FYN: variants seen among roughly 807,000 people sequenced by gnomAD.
FYN encodes FYN proto-oncogene, Src family tyrosine kinase.
A neutral mutation model predicts 70.2 loss-of-function variants in FYN; 10 were observed. The ratio of observed to expected loss-of-function variants is 0.14; its 90% CI spans 0.09 to 0.24. FYN has a LOEUF of 0.24. FYN is among the 10% of genes least tolerant of loss of function. The pLI is 1.00. For synonymous variants in FYN, 236 were observed against 248.6 expected, an observed-to-expected ratio of 0.95 and a Z score of 0.48; for missense variants, 319 against 673.1, an observed-to-expected ratio of 0.47 and a Z score of 5.82.
At position 111,696,359 on chromosome 6, in the gene FYN, C is replaced by T; in HGVS notation, c.960G>A (p.Lys320=). 6.2e-7 allele frequency: 1 copy of T among 1,613,992 alleles called. No individual in the cohort carries two copies. Among genetic ancestry groups the T allele is most frequent in the Non-Finnish European group, 8.5e-7 (1 of 1,179,966 alleles). Residue 320 remains lysine (K), a synonymous_variant, in exon 10 of 14, where the codon AAG becomes AAA. Coordinates refer to ENST00000354650, the MANE Select transcript of FYN (RefSeq NM_002037.5). ...GCTGGACCAGCTTGTCGTGCTTCAGCTTCTTCATGATCTGCGCTTCCTCAA... is the reference window on the plus strand; with the variant it reads ...GCTGGACCAGCTTGTCGTGCTTCAGTTTCTTCATGATCTGCGCTTCCTCAA... ...SFLEEAQIMK[K]LKHDKLVQLY... is the part of the protein sequence containing the mutation.
intron 3 of FYN, among the ~76,000 whole-genome samples, chr6:111,750,349 T>C (rs1802428959): frequency 6.6e-6 from 1 of 152,130 alleles, no homozygotes; most frequent in South Asian, 2.1e-4. Flanking sequence ...CTCCTAGCCC[T>C]CTCTCCTGCT....
intron 2 of FYN, among the ~76,000 whole-genome samples, chr6:111,785,133 C>T (rs1349134192): frequency 2.0e-5 from 3 of 152,202 alleles, no homozygotes; most frequent in Non-Finnish European, 2.9e-5. Flanking sequence ...TGGTTCTCCA[C>T]AGGATGTTCC....
chr6:111,854,673 A>G (rs1773776288), intron 1 of FYN, among the ~76,000 whole-genome samples: 1 of 152,234 alleles, frequency 6.6e-6, no homozygotes, highest in African/African-American at 2.4e-5. Context: ...TTATTTTGCA[A>G]TATACCTTTT....
chr6:111,766,556 G>A (rs970007080), intron 3 of FYN, among the ~76,000 whole-genome samples: 2 of 152,158 alleles, frequency 1.3e-5, no homozygotes, highest in African/African-American at 4.8e-5. Context: ...ACATGAGACT[G>A]GATAATTTGT....
intron 3 of FYN, among the ~76,000 whole-genome samples, chr6:111,779,121 A>AATTTTTTTTTTTTTTTT (rs1228509638): frequency 1.1e-5 from 1 of 91,496 alleles, no homozygotes; most frequent in Non-Finnish European, 2.1e-5. Flanking sequence ...AGTAGGAGAC[A>AATTTTTTTTTTTTTTTT]TTTTTTTTTT....
rs1271033000 is a variant in FYN at position 111,694,229 on chromosome 6, G to A, written c.1273+146C>T. 3.0e-6 allele frequency: 3 copies of A among 1,000,592 alleles called. No individual in the cohort carries two copies. In the African/African-American group the frequency reaches 4.8e-5, roughly 16 times the overall value. 62.0% of individuals were successfully genotyped at this position (1,000,592 alleles called of 1,614,324 possible). ...CCACCTGCAGAGCTGTCAAATTCCT[G>A]CCAGATCAAGGTGTCCAAACCAAGC... is the stretch of plus-strand genomic sequence containing the variant. On this transcript the variant is annotated intron_variant, in intron 12 of 13. Coordinates refer to ENST00000354650, the MANE Select transcript of FYN (RefSeq NM_002037.5). The surrounding 1 kb of genome is among the most constrained non-coding windows in gnomAD (Gnocchi z 5.0).
Position 111,702,683 on chromosome 6 carries a change from A to G in FYN, c.697+202T>C, listed in dbSNP as rs1368053952. On this transcript the variant is annotated intron_variant, in intron 8 of 13. Coordinates refer to ENST00000354650, the MANE Select transcript of FYN (RefSeq NM_002037.5). ...AATATTATAGAATCTTCGGACAAAC[A>G]TGTGGAACTAATAATAACAACAGTA... 9.6e-6 allele frequency: 4 copies of G among 415,842 alleles called. No individual in the cohort carries two copies. In the South Asian group the frequency reaches 4.2e-4, roughly 44 times the overall value. 25.8% of individuals were successfully genotyped at this position (415,842 alleles called of 1,614,324 possible).
chr6:111,688,927 G>A (rs1799174944), intron 12 of FYN, among the ~76,000 whole-genome samples: 1 of 152,148 alleles, frequency 6.6e-6, no homozygotes, highest in Non-Finnish European at 1.5e-5. Context: ...CCACTGACTG[G>A]CCTAGGCTAT....
At chr6:111,762,023 C>T (rs1247993492) in intron 3 of FYN, among the ~76,000 whole-genome samples, 1 of 152,076 alleles carries the variant, frequency 6.6e-6, no homozygotes, top group African/African-American at 2.4e-5. Flanking sequence ...TATGCCCTTC[C>T]GTGAGAAGGA....
chr6:111,701,933 A>T (rs1339117247), intron 8 of FYN, among the ~76,000 whole-genome samples: 1 of 152,210 alleles, frequency 6.6e-6, no homozygotes, highest in Non-Finnish European at 1.5e-5. Flanking sequence ...TTTTCGAAAG[A>T]TTGCTTTTTC....
chr6:111,818,351 T>C (rs1772554274), intron 2 of FYN, among the ~76,000 whole-genome samples: 1 of 152,176 alleles, frequency 6.6e-6, no homozygotes, highest in African/African-American at 2.4e-5. Flanking sequence ...AAAGCATTTA[T>C]AAATACCTCA....
At chr6:111,801,729 T>C (rs1204083669) in intron 2 of FYN, among the ~76,000 whole-genome samples, 1 of 152,188 alleles carries the variant, frequency 6.6e-6, no homozygotes, top group African/African-American at 2.4e-5. Flanking sequence ...TGTGCACTGT[T>C]TTTGTCTTAC....
chr6:111,699,991 G>A (rs1799761208), intron 9 of FYN, 113 bp downstream of exon 9: 1 of 642,450 alleles, frequency 1.6e-6, no homozygotes, highest in Admixed American at 3.3e-5. Flanking sequence ...CCCACTATTA[G>A]TAATTCAAAC....
At chr6:111,808,672 G>T (rs900829310) in intron 2 of FYN, among the ~76,000 whole-genome samples, 1 of 152,164 alleles carries the variant, frequency 6.6e-6, no homozygotes, top group Non-Finnish European at 1.5e-5. Flanking sequence ...GGAGTATGAC[G>T]AAGACGCCAG....
At position 111,696,368 on chromosome 6, in the gene FYN, G is replaced by A. The variant is rs2128438668; in HGVS notation, c.951C>T (p.Ile317=). 1 of 1,613,912 alleles carries A rather than the reference G, an allele frequency of 6.2e-7. No individual in the cohort carries two copies. The highest frequency in any genetic ancestry group is 8.5e-7 in the Non-Finnish European group (1 of 1,179,936). Residue 317 remains isoleucine (I), a synonymous_variant, in exon 10 of 14, where the codon ATC becomes ATT. Coordinates refer to ENST00000354650, the MANE Select transcript of FYN (RefSeq NM_002037.5). ...SPESFLEEAQ[I]MKKLKHDKLV... is the part of the protein sequence containing the mutation. Reference sequence around the variant, plus strand: ...GCTTGTCGTGCTTCAGCTTCTTCATGATCTGCGCTTCCTCAAGGAATGATT... The same window carrying A: ...GCTTGTCGTGCTTCAGCTTCTTCATAATCTGCGCTTCCTCAAGGAATGATT...
At chr6:111,801,019 C>T (rs947925229) in intron 2 of FYN, among the ~76,000 whole-genome samples, 1 of 152,206 alleles carries the variant, frequency 6.6e-6, no homozygotes, top group African/African-American at 2.4e-5. Context: ...TGATGCTTCA[C>T]AGACAGTAGA....
chr6:111,844,553 G>C (rs964595161), intron 2 of FYN, among the ~76,000 whole-genome samples: 2 of 152,216 alleles, frequency 1.3e-5, no homozygotes, highest in Admixed American at 1.3e-4. Context: ...GGCAATGATT[G>C]TTTTTCAGGT....
At chr6:111,803,812 G>A (rs1458526038) in intron 2 of FYN, among the ~76,000 whole-genome samples, 7 of 152,202 alleles carry the variant, frequency 4.6e-5, no homozygotes, top group Admixed American at 4.6e-4. Flanking sequence ...CAAATGTAGA[G>A]TTTCCTGAAG....
intron 3 of FYN, among the ~76,000 whole-genome samples, chr6:111,777,320 G>C (rs1653765703): frequency 6.6e-6 from 1 of 151,602 alleles, no homozygotes; most frequent in African/African-American, 2.4e-5. Context: ...AAGTTTTTTA[G>C]CTGTATATTT....
Sources: allele counts gnomAD v4.1 joint callset (sites outside exome capture counted in the v4.1 genomes callset), GRCh38; gene constraint gnomAD v4.1.1; non-coding constraint Gnocchi (gnomAD v3.1); transcripts MANE v1.5; gene names NCBI Gene and HGNC (gene_info 2026-07-23, HGNC 2026-07-21).